Variants in RARB observed in about 807,000 individuals in gnomAD.
The protein encoded by RARB is retinoic acid receptor beta, also known as HBV-activated protein.
In RARB, 17 loss-of-function variants were observed where a neutral mutation model predicts 51.9. That is an observed-to-expected ratio of 0.33 (90% CI 0.22 to 0.49). The LOEUF (loss-of-function observed/expected upper bound fraction) is 0.49. Ranked by LOEUF, RARB falls within the 20% of genes least tolerant of loss-of-function variation. The pLI is 0.99. For synonymous variants in RARB, 215 were observed against 195.4 expected (o/e 1.10, Z -0.84); for missense variants, 369 against 550.8 (o/e 0.67, Z 3.30).
At chr3:25,098,375 C>A (rs1699339857) in intron 3 of RARB, among the ~76,000 whole-genome samples, 1 of 152,160 alleles carries the variant, frequency 6.6e-6, no homozygotes, top group Non-Finnish European at 1.5e-5. Flanking sequence ...AGTTTGAGAT[C>A]TCTATCGTGC....
chr3:25,218,176 CCCAGG>C (rs1483717942), intron 5 of RARB, among the ~76,000 whole-genome samples: 25 of 152,142 alleles, frequency 1.6e-4, no homozygotes, highest in African/African-American at 5.6e-4. Context: ...CTGTGGGCTC[CCCAGG>C]CAGAGGACAG....
At chr3:24,981,813 C>G (rs560063162) in intron 2 of RARB, among the ~76,000 whole-genome samples, 4 of 152,184 alleles carry the variant, frequency 2.6e-5, no homozygotes, top group Non-Finnish European at 4.4e-5. Context: ...CCAGTCCCCA[C>G]GAGACAAACC....
chr3:25,182,441 G>C (rs1469074881), intron 5 of RARB, among the ~76,000 whole-genome samples: 3 of 152,176 alleles, frequency 2.0e-5, no homozygotes, highest in African/African-American at 4.8e-5. Flanking sequence ...TATGGGGTTA[G>C]GAAGTAACCA....
Position 24,926,038 on chromosome 3 carries a change from A to G in RARB, c.-380+67286A>G, listed in dbSNP as rs1008254829. Among the ~76,000 whole-genome samples, 10 of 152,224 alleles carry G rather than the reference A, an allele frequency of 6.6e-5. No individual in the cohort carries two copies. In the South Asian group the frequency reaches 2.1e-3, roughly 32 times the overall value. ...TCTGAGAATACTTCCTTGCAAAGTG[A>G]ATTTATTGTTGATAACTCACAAGCC... is the stretch of plus-strand genomic sequence containing the variant. On this transcript the variant is annotated intron_variant, in intron 2 of 11. Coordinates refer to the RARB transcript ENST00000383772.
chr3:24,952,839 C>T (rs1453356719), intron 2 of RARB, among the ~76,000 whole-genome samples: 4 of 151,818 alleles, frequency 2.6e-5, no homozygotes, highest in Non-Finnish European at 4.4e-5. Flanking sequence ...AAGGTTGTTA[C>T]CTTAAAAGGT....
chr3:25,072,621 A>G (rs1698790064), intron 3 of RARB, among the ~76,000 whole-genome samples: 1 of 152,216 alleles, frequency 6.6e-6, no homozygotes, highest in African/African-American at 2.4e-5. Flanking sequence ...GTCTGATGTA[A>G]GAACCTCACT....
At chr3:24,889,783 T>G (rs1703342403) in intron 2 of RARB, among the ~76,000 whole-genome samples, 1 of 151,878 alleles carries the variant, frequency 6.6e-6, no homozygotes, top group Non-Finnish European at 1.5e-5. Flanking sequence ...CTTGTTTGTT[T>G]ATACTTTGAA....
At chr3:25,101,953 A>T (rs1699408347) in intron 3 of RARB, among the ~76,000 whole-genome samples, 4 of 152,108 alleles carry the variant, frequency 2.6e-5, no homozygotes, top group Admixed American at 2.6e-4. Context: ...TAAAGGGTGA[A>T]CACTCGGAGG....
chr3:25,074,268 A>G (rs560689426), intron 3 of RARB, among the ~76,000 whole-genome samples: 19 of 152,232 alleles, frequency 1.2e-4, no homozygotes, highest in Non-Finnish European at 2.5e-4. Flanking sequence ...TTACCAAGTC[A>G]CAGTATGACC....
At chr3:25,468,318 A>T (rs80013794) in intron 2 of RARB, among the ~76,000 whole-genome samples, 14,715 of 145,888 alleles carry the variant, frequency 0.1, 1,093 homozygotes, top group East Asian at 0.35. Flanking sequence ...TGTGGAGTAG[A>T]GGGAAGAAGA....
In RARB at chr3:25,185,684, A is replaced by T. The variant is rs551786314; in HGVS notation, c.178+11109A>T. On this transcript the variant is annotated intron_variant, in intron 5 of 11. Coordinates refer to the RARB transcript ENST00000383772. ...AAAACAGGAATTTCTGTGAGTCCTG[A>T]TGGAAATCTCTGAGACATAAAGTGA... is the stretch of plus-strand genomic sequence containing the variant. 3.3e-5 allele frequency among the ~76,000 whole-genome samples: 5 copies of T among 152,226 alleles called. No individual in the cohort carries two copies. In the South Asian group the frequency reaches 1.0e-3, roughly 32 times the overall value.
chr3:25,035,563 T>C (rs1043943990), intron 2 of RARB, among the ~76,000 whole-genome samples: 1 of 150,152 alleles, frequency 6.7e-6, no homozygotes, highest in African/African-American at 2.5e-5. Context: ...TACAGAAAAA[T>C]AGAATCTCTT....
chr3:25,262,621 C>A (rs1371363626), intron 5 of RARB, among the ~76,000 whole-genome samples: 14 of 152,292 alleles, frequency 9.2e-5, no homozygotes, highest in African/African-American at 3.4e-4. Flanking sequence ...TTGACTCCTT[C>A]TCACACTATA....
chr3:25,096,650 G>A (rs977018716), intron 3 of RARB, among the ~76,000 whole-genome samples: 16 of 152,172 alleles, frequency 1.1e-4, no homozygotes, highest in African/African-American at 3.4e-4. Flanking sequence ...AGGAAGAAAG[G>A]CAAGAGAGGG....
intron 3 of RARB, among the ~76,000 whole-genome samples, chr3:25,541,714 CTTA>C (rs1699390646): frequency 6.6e-6 from 1 of 152,188 alleles, no homozygotes; most frequent in South Asian, 2.1e-4. Context: ...CACCTCACTC[CTTA>C]TTGTGACATA....
At chr3:25,191,790 A>G (rs1330712495) in intron 5 of RARB, among the ~76,000 whole-genome samples, 2 of 152,136 alleles carry the variant, frequency 1.3e-5, no homozygotes, top group Non-Finnish European at 2.9e-5. Flanking sequence ...ATCCAGTGTT[A>G]CAAGGCACAG....
At chr3:25,095,083 C>T (rs1267494744) in intron 3 of RARB, among the ~76,000 whole-genome samples, 1 of 152,058 alleles carries the variant, frequency 6.6e-6, no homozygotes, top group African/African-American at 2.4e-5. Context: ...ATTTTTTTCC[C>T]TTTGGCTCAA....
At chr3:25,210,529 C>T (rs367806016) in intron 5 of RARB, among the ~76,000 whole-genome samples, 187 of 27,544 alleles carry the variant, frequency 6.8e-3, no homozygotes, top group Non-Finnish European at 0.011. Context: ...TTATCTGATT[C>T]TTTTTTTTTT....
chr3:25,250,496 C>T (rs1023359517), intron 5 of RARB, among the ~76,000 whole-genome samples: 17 of 152,240 alleles, frequency 1.1e-4, no homozygotes, highest in South Asian at 1.0e-3. Flanking sequence ...TTGGTGGCTT[C>T]GGGCAGGATA....
Sources: gnomAD v4.1 joint callset for allele counts (sites outside exome capture counted in the v4.1 genomes callset) on GRCh38, gnomAD v4.1.1 for gene constraint, MANE v1.5 for transcripts, NCBI Gene and HGNC (gene_info 2026-07-23, HGNC 2026-07-21) for gene names.